RARB: variants seen among roughly 807,000 people sequenced by gnomAD.
The protein encoded by RARB is HBV-activated protein.
RARB carries 17 observed loss-of-function variants against 51.9 expected under a neutral mutation model. The observed-to-expected ratio is 0.33, with a 90% confidence interval of 0.22 to 0.49. The LOEUF is 0.49. Ranked by LOEUF, RARB falls within the 20% of genes least tolerant of loss-of-function variation. RARB has a pLI of 0.99. For missense variants in RARB, 369 were observed against 550.8 expected, an observed-to-expected ratio of 0.67 and a Z score of 3.30; for synonymous variants, 215 against 195.4, an observed-to-expected ratio of 1.10 and a Z score of -0.84.
intron 5 of RARB, among the ~76,000 whole-genome samples, chr3:25,408,663 A>G (rs1707479371): frequency 6.6e-6 from 1 of 152,160 alleles, no homozygotes; most frequent in South Asian, 2.1e-4. Context: ...AAGAATTGCT[A>G]AGGGAAGACT....
At chr3:24,949,900 T>A (rs1695852946) in intron 2 of RARB, among the ~76,000 whole-genome samples, 1 of 152,210 alleles carries the variant, frequency 6.6e-6, no homozygotes, top group Non-Finnish European at 1.5e-5. Flanking sequence ...ACATTGGCAC[T>A]GGTAAGGAAA....
At chr3:25,123,527 A>G (rs1699815736) in intron 3 of RARB, among the ~76,000 whole-genome samples, 1 of 152,208 alleles carries the variant, frequency 6.6e-6, no homozygotes, top group South Asian at 2.1e-4. Flanking sequence ...AAGCCACTTG[A>G]AATATTCCCC....
At chr3:24,917,778 C>T (rs541480062) in intron 2 of RARB, among the ~76,000 whole-genome samples, 31 of 152,328 alleles carry the variant, frequency 2.0e-4, no homozygotes, top group African/African-American at 6.3e-4. Flanking sequence ...CTGCCTCCTT[C>T]GGCGTCCTAA....
chr3:25,104,256 G>A (rs62230275), intron 3 of RARB, among the ~76,000 whole-genome samples: 10,094 of 152,232 alleles, frequency 0.066, 379 homozygotes, highest in African/African-American at 0.1. Context: ...TGCAACCAGA[G>A]CACCCATACA....
At chr3:25,295,979 T>C (rs539712019) in intron 5 of RARB, among the ~76,000 whole-genome samples, 1 of 152,330 alleles carries the variant, frequency 6.6e-6, no homozygotes, top group Admixed American at 6.5e-5. Context: ...ACCAAATGTG[T>C]TTCTCAAAAG....
intron 3 of RARB, among the ~76,000 whole-genome samples, chr3:25,510,184 A>G (rs966411063): frequency 7.2e-5 from 11 of 152,214 alleles, no homozygotes; most frequent in African/African-American, 2.7e-4. Context: ...GAGGTCACAC[A>G]GCTGGTATAC....
chr3:25,032,267 A>G (rs985280412), intron 2 of RARB, among the ~76,000 whole-genome samples: 2 of 152,224 alleles, frequency 1.3e-5, no homozygotes, highest in African/African-American at 4.8e-5. Flanking sequence ...CACGGGCTGC[A>G]TAATGGAACC....
chr3:25,097,831 G>T (rs1699329252), intron 3 of RARB, among the ~76,000 whole-genome samples: 1 of 152,030 alleles, frequency 6.6e-6, no homozygotes, highest in Non-Finnish European at 1.5e-5. Flanking sequence ...TTTTTTGGAG[G>T]TATGCTTTGT....
intron 5 of RARB, among the ~76,000 whole-genome samples, chr3:25,335,105 C>T (rs1489632339): frequency 6.6e-6 from 1 of 152,222 alleles, no homozygotes; most frequent in Non-Finnish European, 1.5e-5. Context: ...CAACTTCTCT[C>T]TGCCTCTGTT....
At chr3:25,470,034 C>T (rs1038285765) in intron 2 of RARB, among the ~76,000 whole-genome samples, 4 of 152,142 alleles carry the variant, frequency 2.6e-5, no homozygotes, top group Non-Finnish European at 4.4e-5. Flanking sequence ...TGTTGAGTCA[C>T]GGTCCACCTG....
intron 5 of RARB, among the ~76,000 whole-genome samples, chr3:25,309,850 C>T (rs1575301898): frequency 1.3e-5 from 2 of 152,242 alleles, no homozygotes; most frequent in Middle Eastern, 3.4e-3. Flanking sequence ...TTCTCTTTTA[C>T]ATTACCCCTA....
intron 3 of RARB, among the ~76,000 whole-genome samples, chr3:25,544,381 CAAA>C (rs978470965): frequency 2.6e-5 from 4 of 152,146 alleles, no homozygotes; most frequent in African/African-American, 9.7e-5. Context: ...AATTTCAAAA[CAAA>C]GAAGCTTTTC....
chr3:25,277,109 A>G (rs575266192), intron 5 of RARB, among the ~76,000 whole-genome samples: 2 of 152,354 alleles, frequency 1.3e-5, no homozygotes, highest in Non-Finnish European at 2.9e-5. Context: ...TGGAAAAGTT[A>G]GCTAACTATT....
chr3:25,571,661 G>A (rs1356713534), intron 4 of RARB, among the ~76,000 whole-genome samples: 2 of 152,190 alleles, frequency 1.3e-5, no homozygotes, highest in East Asian at 3.9e-4. Flanking sequence ...ACAGAGGCCT[G>A]GAACCACACG....
At chr3:25,070,357 C>T (rs755564988) in intron 3 of RARB, among the ~76,000 whole-genome samples, 5 of 152,052 alleles carry the variant, frequency 3.3e-5, no homozygotes, top group Non-Finnish European at 7.4e-5. Flanking sequence ...GAGGGAAGAG[C>T]GAGTGCATAC....
At chr3:25,559,886 G>A (rs1700203791) in intron 3 of RARB, among the ~76,000 whole-genome samples, 2 of 152,188 alleles carry the variant, frequency 1.3e-5, no homozygotes, top group African/African-American at 4.8e-5. Flanking sequence ...TGGATGCATG[G>A]ATGAATGAGT....
At chr3:24,881,670 A>C (rs947156612) in intron 2 of RARB, among the ~76,000 whole-genome samples, 1 of 152,252 alleles carries the variant, frequency 6.6e-6, no homozygotes, top group African/African-American at 2.4e-5. Context: ...ACAATGGAGC[A>C]CAAAACCTTC....
chr3:25,028,922 C>A (rs1378131366), intron 2 of RARB, among the ~76,000 whole-genome samples: 1 of 152,172 alleles, frequency 6.6e-6, no homozygotes, highest in Non-Finnish European at 1.5e-5. Context: ...CAACTCCACC[C>A]CACCCCTACT....
Position 24,974,410 on chromosome 3 carries a change from C to A in RARB, c.-379-85715C>A, listed in dbSNP as rs184285423. Among the ~76,000 whole-genome samples, 338 of 152,030 alleles carry A rather than the reference C, an allele frequency of 2.2e-3. 2 individuals carry two copies. The highest frequency in any genetic ancestry group is 7.7e-3 in the African/African-American group (319 of 41,492). The stretch of plus-strand genomic sequence containing the variant: ...GAAGTTTCGTTTTTGAAAAGGAGCC[C>A]ACCTGGAGGATAAGAGTTTTGCACA... On this transcript the variant is annotated intron_variant, in intron 2 of 11. Coordinates refer to the RARB transcript ENST00000383772.
Sources: allele counts gnomAD v4.1 joint callset (sites outside exome capture counted in the v4.1 genomes callset), GRCh38; gene constraint gnomAD v4.1.1; transcripts MANE v1.5; gene names NCBI Gene and HGNC (gene_info 2026-07-23, HGNC 2026-07-21).